FRRS1: variants seen among roughly 807,000 people sequenced by gnomAD.
The protein encoded by FRRS1 is ferric chelate reductase 1.
A neutral mutation model predicts 70.7 loss-of-function variants in FRRS1; 51 were observed. That is an observed-to-expected ratio of 0.72 (90% confidence interval 0.58 to 0.91). FRRS1 has a LOEUF of 0.91. Ranked by LOEUF, FRRS1 falls within the 40% of genes least tolerant of loss-of-function variation. FRRS1 has a pLI of 0.00. For missense variants in FRRS1, 672 were observed against 726.0 expected, an observed-to-expected ratio of 0.93 and a Z score of 0.86; for synonymous variants, 225 against 238.7, an observed-to-expected ratio of 0.94 and a Z score of 0.53.
chr1:99,761,166 G>A lies in FRRS1; in HGVS notation c.-106+5441C>T, dbSNP rs998743210. 3.9e-5 allele frequency among the ~76,000 whole-genome samples: 6 copies of A among 151,954 alleles called. No individual in the cohort carries two copies. The South Asian group carries it at 6.2e-4, about 16-fold the overall frequency. ...GGGAAGGGTCTCATCTCACTCTGGC[G>A]CCCAGGATGGAGAGCAGTGGTGCAA... On this transcript the variant is annotated intron_variant, in intron 1 of 16. Transcript: ENST00000646001.
intron 1 of FRRS1, among the ~76,000 whole-genome samples, chr1:99,755,217 C>T (rs1202348520): frequency 1.3e-5 from 2 of 151,416 alleles, no homozygotes; most frequent in Non-Finnish European, 2.9e-5. Context: ...GCCAGGAGTT[C>T]AAGACCAGCC....
chr1:99,750,739 C>A (rs554902978), intron 1 of FRRS1, among the ~76,000 whole-genome samples: 1 of 149,172 alleles, frequency 6.7e-6, no homozygotes, highest in South Asian at 2.1e-4. Context: ...AAAGGTACAA[C>A]AAATGTGGAA....
rs960993925 is a variant in FRRS1, at chr1:99,748,587, C to G, written c.182G>C (p.Gly61Ala). 7 of 1,613,824 alleles carry G rather than the reference C, an allele frequency of 4.3e-6. No individual in the cohort carries two copies. The highest frequency in any genetic ancestry group is 5.1e-6 in the Non-Finnish European group (6 of 1,179,736). The change falls in exon 3 of 17, where the codon GGA becomes GCA. Residue 61 changes from glycine (G) to alanine (A), a missense_variant. Physicochemically the swap from Gly to Ala is moderately conservative, Grantham distance 60. Transcript: ENST00000646001. The part of the protein sequence containing the change: ...IYVSQMTFRP[G>A]DQIEVTLSGH... Reference sequence around the variant, plus strand: ...CAGCACGGTACCTTCAATCTGATCTCCTGGCCTGAATGTCATCTGACTCAC... The same window carrying G: ...CAGCACGGTACCTTCAATCTGATCTGCTGGCCTGAATGTCATCTGACTCAC...
At chr1:99,726,612 TAAC>T (rs1011912748) in intron 9 of FRRS1, among the ~76,000 whole-genome samples, 7 of 152,348 alleles carry the variant, frequency 4.6e-5, no homozygotes, top group East Asian at 1.9e-4. Flanking sequence ...GCTGCAATCA[TAAC>T]AACAACACAA....
At chr1:99,716,275 G>A (rs531278181) in intron 11 of FRRS1, among the ~76,000 whole-genome samples, 98 of 152,316 alleles carry the variant, frequency 6.4e-4, no homozygotes, top group African/African-American at 2.2e-3. Flanking sequence ...TGGATGGCTG[G>A]ATGGATAGAT....
In FRRS1 at chr1:99,715,638, A is replaced by G. The variant is rs1654482921; in HGVS notation, c.1271T>C (p.Leu424Pro). The change falls in exon 12 of 17, where the codon CTC becomes CCC. Residue 424 changes from leucine to proline, a missense_variant. Leu to Pro is a moderately conservative substitution (Grantham distance 98, BLOSUM62 -3). Coordinates refer to ENST00000646001, the MANE Select transcript of FRRS1 (RefSeq NM_001361041.2). ...CGGCATAACAAAAGCAATGCAGGTG[A>G]GGACAGTTGTGGTGAACATGAGCAT... ...HRMLMFTTTVLTCIAFVMPFI... is the reference protein window; with the variant it reads ...HRMLMFTTTVPTCIAFVMPFI... 1 of 1,613,578 alleles carries G rather than the reference A, an allele frequency of 6.2e-7. No individual in the cohort carries two copies. Among genetic ancestry groups the G allele is most frequent in the Non-Finnish European group, 8.5e-7 (1 of 1,179,590 alleles).
chr1:99,711,372 T>C (rs1198033214), intron 14 of FRRS1: 1 of 156,600 alleles, frequency 6.4e-6, no homozygotes, highest in Non-Finnish European at 1.4e-5. Flanking sequence ...AGTGAGAACA[T>C]GTGGTATGTG....
At position 99,729,638 on chromosome 1, in the gene FRRS1, T is replaced by A; in HGVS notation, c.858+12A>T. The A allele has an allele frequency of 1.9e-6, 3 of 1,578,836 alleles. No individual in the cohort carries two copies. The highest frequency in any genetic ancestry group is 2.6e-6 in the Non-Finnish European group (3 of 1,149,374). ...GTCTCCAGGTGGAGGTTCTCAGAAT[T>A]TTCACACCTACCCTGGAGTCCATTA... On this transcript the variant is annotated intron_variant, in intron 8 of 16. Coordinates refer to ENST00000646001, the MANE Select transcript of FRRS1 (RefSeq NM_001361041.2).
rs1472270613 is a variant in FRRS1, at chr1:99,708,165, G to A, written c.*863C>T. On this transcript the variant is annotated 3_prime_UTR_variant, in exon 17 of 17. Transcript: ENST00000646001. ...CTTCACTTCTACCTTTACTAGAGAAGTAACAAAATACACTGAGCAAAGGAT... is the reference window on the plus strand; with the variant it reads ...CTTCACTTCTACCTTTACTAGAGAAATAACAAAATACACTGAGCAAAGGAT... Among the ~76,000 whole-genome samples, 1 of 152,150 alleles carries A rather than the reference G, an allele frequency of 6.6e-6. No individual in the cohort carries two copies. The highest frequency in any genetic ancestry group is 2.4e-5 in the African/African-American group (1 of 41,438).
rs865799941 is a variant in FRRS1, at chr1:99,706,354, G to C, written c.*2674C>G. 6.6e-6 allele frequency among the ~76,000 whole-genome samples: 1 copy of C among 151,292 alleles called. No homozygotes were observed. Among genetic ancestry groups the C allele is most frequent in the Admixed American group, 6.6e-5 (1 of 15,184 alleles). Reference sequence around the variant, plus strand: ...AGCCCAAGAGGTCAAGGCTGCAGTGGGCTAAGATCGCACCACTGCACTCCA... The same window carrying C: ...AGCCCAAGAGGTCAAGGCTGCAGTGCGCTAAGATCGCACCACTGCACTCCA... On this transcript the variant is annotated 3_prime_UTR_variant, in exon 17 of 17. Transcript: ENST00000646001.
intron 1 of FRRS1, among the ~76,000 whole-genome samples, chr1:99,758,103 T>G (rs990100235): frequency 3.3e-5 from 5 of 152,094 alleles, no homozygotes; most frequent in African/African-American, 1.2e-4. Context: ...AATGAGCAGG[T>G]AGGGGAATAG....
chr1:99,730,967 T>G, intron 7 of FRRS1, among the ~76,000 whole-genome samples: 1 of 150,232 alleles, frequency 6.7e-6, no homozygotes, highest in East Asian at 2.0e-4. Context: ...GCCCAGGAGG[T>G]CAAGTCTGCA....
At chr1:99,715,759 T>C (rs1654491935) in intron 11 of FRRS1, 87 bp from the exon 12 acceptor site, 8 of 846,424 alleles carry the variant, frequency 9.5e-6, no homozygotes, top group Admixed American at 9.2e-5. Context: ...GAAAAGACTA[T>C]GGGGTAAGAT....
At chr1:99,730,173 T>C (rs573183700) in intron 7 of FRRS1, among the ~76,000 whole-genome samples, 1 of 152,280 alleles carries the variant, frequency 6.6e-6, no homozygotes, top group African/African-American at 2.4e-5. Context: ...TATTTATTTA[T>C]TAATAAATAT....
At chr1:99,718,089 C>A (rs368443288) in intron 10 of FRRS1, among the ~76,000 whole-genome samples, 3 of 152,252 alleles carry the variant, frequency 2.0e-5, no homozygotes, top group South Asian at 2.1e-4. Flanking sequence ...TACTTTCAAG[C>A]TTAACTGTGA....
At chr1:99,728,196 C>T (rs1362247656) in intron 9 of FRRS1, among the ~76,000 whole-genome samples, 1 of 152,226 alleles carries the variant, frequency 6.6e-6, no homozygotes. Context: ...CTCAGGGAAG[C>T]CCAAATACGT....
rs1654589109 is a variant in FRRS1, at chr1:99,717,453, A to G, written c.1193T>C (p.Val398Ala). Residue 398 changes from valine to alanine, a missense_variant, in exon 11 of 17, where the codon GTT (valine) becomes GCT (alanine). Coordinates refer to ENST00000646001, the MANE Select transcript of FRRS1 (RefSeq NM_001361041.2). ...GVLVARFFKP[V>A]WSKAFLLGEA... is the part of the protein sequence containing the mutation. ...ACCAAGCAAGAAAGCTTTTGACCAA[A>G]CTGGCTTGAAGAACCGGGCAACCAG... 1.9e-6 allele frequency: 3 copies of G among 1,614,008 alleles called. No homozygotes were observed. Among genetic ancestry groups the G allele is most frequent in the Admixed American group, 3.3e-5 (2 of 60,000 alleles).
At chr1:99,721,453 A>G (rs963656204) in intron 9 of FRRS1, among the ~76,000 whole-genome samples, 3 of 152,074 alleles carry the variant, frequency 2.0e-5, no homozygotes. Flanking sequence ...ACCATTTTAT[A>G]TAAAAACACT....
chr1:99,710,581 C>T (rs1192927049), intron 15 of FRRS1, among the ~76,000 whole-genome samples: 1 of 152,094 alleles, frequency 6.6e-6, no homozygotes, highest in Non-Finnish European at 1.5e-5. Flanking sequence ...AGACTCCCTG[C>T]CTAAAACCTA....
Sources: gnomAD v4.1 joint callset for allele counts (sites outside exome capture counted in the v4.1 genomes callset) on GRCh38, gnomAD v4.1.1 for gene constraint, MANE v1.5 for transcripts, NCBI Gene and HGNC (gene_info 2026-07-23, HGNC 2026-07-21) for gene names.